The following DNM2 variants were observed in gnomAD, a reference collection of about 807,000 sequenced individuals.
The protein encoded by DNM2 is dynamin 2.
Under a neutral mutation model 99.0 loss-of-function variants are expected in DNM2, and 15 were observed. That is an observed-to-expected ratio of 0.15 (90% CI 0.10 to 0.23). DNM2 has a LOEUF of 0.23. Ranked by LOEUF, DNM2 falls within the 10% of genes least tolerant of loss-of-function variation. The pLI is 1.00. For synonymous variants in DNM2, 525 were observed against 481.2 expected (o/e 1.09, Z -1.19); for missense variants, 742 against 1,189.4 (o/e 0.62, Z 5.53).
intron 18 of DNM2, among the ~76,000 whole-genome samples, chr19:10,827,127 C>T (rs1407110548): frequency 6.6e-6 from 1 of 152,182 alleles, no homozygotes; most frequent in Non-Finnish European, 1.5e-5. Context: ...TGCCCTCCCA[C>T]CCTGTTGCTC....
chr19:10,742,558 C>T (rs1261680685), intron 1 of DNM2, among the ~76,000 whole-genome samples: 1 of 152,206 alleles, frequency 6.6e-6, no homozygotes, highest in South Asian at 2.1e-4. Flanking sequence ...GCTGAGCTGC[C>T]AGGCTGCAGA....
chr19:10,819,445 G>T (rs973615493), intron 15 of DNM2, among the ~76,000 whole-genome samples: 3 of 152,152 alleles, frequency 2.0e-5, no homozygotes, highest in Non-Finnish European at 4.4e-5. Flanking sequence ...CAAAGATGGA[G>T]CCCAGATAAA....
chr19:10,820,107 C>T lies in DNM2; in HGVS notation c.1781+18C>T, dbSNP rs777376905. ...GAGCAGAGGTGAGGGGCCCAGGGGCCTGGGGATGGCTCGGGGTGAAGACCA... is the reference window on the plus strand; with the variant it reads ...GAGCAGAGGTGAGGGGCCCAGGGGCTTGGGGATGGCTCGGGGTGAAGACCA... On this transcript the variant is annotated intron_variant, in intron 16 of 20. Transcript: ENST00000389253. The surrounding 1 kb of genome is among the most constrained non-coding windows in gnomAD (Gnocchi z 4.3). The T allele has an allele frequency of 1.9e-6, 3 of 1,613,166 alleles. No individual in the cohort carries two copies. Among genetic ancestry groups the T allele is most frequent in the South Asian group, 1.1e-5 (1 of 91,068 alleles).
intron 18 of DNM2, 138 bp downstream of exon 18, chr19:10,825,359 A>G: frequency 8.2e-7 from 1 of 1,226,266 alleles, no homozygotes; most frequent in Non-Finnish European, 1.2e-6. Context: ...AAACGGTGAA[A>G]CCCCATCTCT....
intron 1 of DNM2, among the ~76,000 whole-genome samples, chr19:10,753,353 A>AAAGGTT (rs2070265603): frequency 6.6e-6 from 1 of 151,656 alleles, no homozygotes; most frequent in Non-Finnish European, 1.5e-5. Flanking sequence ...TTAGTCACAA[A>AAAGGTT]GTACAGACTT....
chr19:10,807,568 A>G (rs1206032583), intron 13 of DNM2, among the ~76,000 whole-genome samples: 2 of 50,242 alleles, frequency 4.0e-5, no homozygotes, highest in African/African-American at 1.7e-4. Flanking sequence ...TTTTTTTTTG[A>G]GACAGAGTCT....
At chr19:10,743,144 G>A (rs2069821308) in intron 1 of DNM2, among the ~76,000 whole-genome samples, 1 of 151,866 alleles carries the variant, frequency 6.6e-6, no homozygotes, top group South Asian at 2.1e-4. Context: ...GAGCTCAGGT[G>A]TTCCGCCTGC....
chr19:10,792,886 G>A (rs2071803288), intron 7 of DNM2, among the ~76,000 whole-genome samples: 1 of 152,072 alleles, frequency 6.6e-6, no homozygotes, highest in Non-Finnish European at 1.5e-5. Context: ...GGGATTATAG[G>A]TGTGAGCCAC....
At chr19:10,801,307 C>CA (rs1032888445) in intron 11 of DNM2, among the ~76,000 whole-genome samples, 5 of 149,044 alleles carry the variant, frequency 3.4e-5, no homozygotes, top group Admixed American at 2.7e-4. Context: ...CTCTGTCTCC[C>CA]AAAAAAAAGA....
In DNM2 at chr19:10,820,877, C is replaced by T. The variant is rs1348882810; in HGVS notation, c.1781+788C>T. ...GGGAGGCCCCAGGAAGCTCACAGTA[C>T]ATCTGTCCCATGAGGCGTAGCTGGA... is the stretch of plus-strand genomic sequence containing the variant. On this transcript the variant is annotated intron_variant, in intron 16 of 20. Coordinates refer to ENST00000389253, the MANE Select transcript of DNM2 (RefSeq NM_001005361.3). The surrounding 1 kb of genome is among the most constrained non-coding windows in gnomAD (Gnocchi z 4.3). Among the ~76,000 whole-genome samples the T allele has an allele frequency of 1.3e-5, 2 of 152,230 alleles. No individual in the cohort carries two copies. Among genetic ancestry groups the T allele is most frequent in the East Asian group, 3.8e-4 (2 of 5,196 alleles).
chr19:10,829,742 G>A (rs145942086), intron 19 of DNM2, among the ~76,000 whole-genome samples: 2 of 152,232 alleles, frequency 1.3e-5, no homozygotes, highest in African/African-American at 4.8e-5. Flanking sequence ...GAGCCATGGA[G>A]TTCCTTAAGG....
At chr19:10,758,531 C>T (rs1189747579) in intron 1 of DNM2, among the ~76,000 whole-genome samples, 8 of 104,872 alleles carry the variant, frequency 7.6e-5, no homozygotes, top group African/African-American at 2.2e-4. Context: ...TCCCTTCCCT[C>T]CCCTCCCTCC....
chr19:10,825,816 T>A (rs546971565), intron 18 of DNM2, among the ~76,000 whole-genome samples: 40 of 143,258 alleles, frequency 2.8e-4, no homozygotes, highest in African/African-American at 1.0e-3. Flanking sequence ...ATCGTGCCAC[T>A]GCACTCCAGC....
chr19:10,782,924 T>G (rs765219614), intron 5 of DNM2, 36 bp from the exon 6 acceptor site: 1 of 1,613,784 alleles, frequency 6.2e-7, no homozygotes, highest in Non-Finnish European at 8.5e-7. Context: ...TTGGCTCACC[T>G]AGCTTTGCCC....
intron 1 of DNM2, among the ~76,000 whole-genome samples, chr19:10,724,096 A>AAGGAGAAACATGGTTG (rs974295562): frequency 0.091 from 13,692 of 151,006 alleles, 691 homozygotes; most frequent in African/African-American, 0.13. Flanking sequence ...AAAAAAAAAA[A>AAGGAGAAACATGGTTG]AAGGCGATAA....
intron 9 of DNM2, 36 bp from the exon 10 acceptor site, chr19:10,797,344 G>A (rs201997851): frequency 1.9e-6 from 3 of 1,609,872 alleles, no homozygotes; most frequent in South Asian, 1.1e-5. Context: ...GTCCCTGGGT[G>A]TCTTTCTGCC....
intron 1 of DNM2, among the ~76,000 whole-genome samples, chr19:10,756,211 G>A (rs1428731859): frequency 1.3e-4 from 19 of 151,970 alleles, no homozygotes; most frequent in East Asian, 1.9e-4. Context: ...TGTTTCCCTC[G>A]TTCAGTTCAC....
At chr19:10,758,279 CTCCCTCCTTCCT>C in intron 1 of DNM2, among the ~76,000 whole-genome samples, 1 of 122,096 alleles carries the variant, frequency 8.2e-6, no homozygotes. Context: ...CCTTCCTTCC[CTCCCTCCTTCCT>C]TCCCTCCCTC....
At chr19:10,808,391 T>C in intron 13 of DNM2, 178 bp from the exon 14 acceptor site, 1 of 600,556 alleles carries the variant, frequency 1.7e-6, no homozygotes, top group Non-Finnish European at 2.9e-6. Context: ...ATTAACACCA[T>C]GAATATGATT....
Sources: gnomAD v4.1 joint callset for allele counts (sites outside exome capture counted in the v4.1 genomes callset) on GRCh38, gnomAD v4.1.1 for gene constraint, Gnocchi (gnomAD v3.1) non-coding constraint, MANE v1.5 for transcripts, NCBI Gene and HGNC (gene_info 2026-07-23, HGNC 2026-07-21) for gene names.